The following ARAP2 variants were observed in gnomAD, a reference collection of about 807,000 sequenced individuals.
ARAP2 encodes ArfGAP with RhoGAP domain, ankyrin repeat and PH domain 2.
A neutral mutation model predicts 194.5 loss-of-function variants in ARAP2; 148 were observed. That is an observed-to-expected ratio of 0.76 (90% CI 0.67 to 0.87). The LOEUF (loss-of-function observed/expected upper bound fraction) is 0.87, where lower values mean the gene tolerates loss of function less well. Among genes scored for constraint, ARAP2 ranks in the 40% least tolerant of loss-of-function variants. The probability of loss-of-function intolerance (pLI) is 0.00; values close to 1 mark genes in which losing one functional copy is unlikely to be tolerated. For synonymous variants in ARAP2, 695 were observed against 683.5 expected, an observed-to-expected ratio of 1.02 and a Z score of -0.26; for missense variants, 2,128 against 1,989.7, an observed-to-expected ratio of 1.07 and a Z score of -1.32.
At chr4:36,073,008 C>T (rs1195259621) in intron 32 of ARAP2, among the ~76,000 whole-genome samples, 1 of 152,138 alleles carries the variant, frequency 6.6e-6, no homozygotes, top group Admixed American at 6.6e-5. Flanking sequence ...AGAACACCTT[C>T]TAACTGCTTT....
chr4:36,239,183 T>A (rs1753026873), intron 1 of ARAP2, among the ~76,000 whole-genome samples: 1 of 151,528 alleles, frequency 6.6e-6, no homozygotes, highest in African/African-American at 2.4e-5. Context: ...GGTTGAGACA[T>A]GAGAATCGCT....
rs774352506 is a variant in ARAP2 at position 36,229,266 on chromosome 4, A to G, written c.221T>C (p.Ile74Thr). The G allele has an allele frequency of 6.2e-7, 1 of 1,613,886 alleles. No homozygotes were observed. The highest frequency in any genetic ancestry group is 8.5e-7 in the Non-Finnish European group (1 of 1,179,924). The stretch of plus-strand genomic sequence containing the variant: ...TTTATGAACATTTGCATATATTGGA[A>G]TATCTTGCATTTTTGACAAGATTAT... ...LQIILSKMQDIPIYANVHKTK... is the reference protein window; with the variant it reads ...LQIILSKMQDTPIYANVHKTK... Residue 74 changes from isoleucine to threonine, a missense_variant, in exon 2 of 33, where the codon ATT (isoleucine) becomes ACT (threonine). Coordinates refer to ENST00000303965, the MANE Select transcript of ARAP2 (RefSeq NM_015230.4).
At chr4:36,110,461 A>AG (rs1719655135) in intron 26 of ARAP2, among the ~76,000 whole-genome samples, 1 of 151,938 alleles carries the variant, frequency 6.6e-6, no homozygotes, top group African/African-American at 2.4e-5. Flanking sequence ...AAGCCTATTT[A>AG]AATGAGGCCC....
chr4:36,128,292 A>G (rs985973134), intron 21 of ARAP2, among the ~76,000 whole-genome samples: 2 of 151,992 alleles, frequency 1.3e-5, no homozygotes, highest in African/African-American at 4.8e-5. Flanking sequence ...AAAACTAAGT[A>G]TATACCAAAC....
At chr4:36,201,103 T>C (rs1393921023) in intron 6 of ARAP2, among the ~76,000 whole-genome samples, 1 of 152,244 alleles carries the variant, frequency 6.6e-6, no homozygotes, top group East Asian at 1.9e-4. Context: ...CATAGTCCTT[T>C]TTTCCAAGAA....
intron 9 of ARAP2, among the ~76,000 whole-genome samples, 176 bp downstream of exon 9, chr4:36,177,651 C>T (rs968581671): frequency 6.6e-6 from 1 of 152,062 alleles, no homozygotes; most frequent in African/African-American, 2.4e-5. Flanking sequence ...TACTTTCTTG[C>T]TGGTGGAGAC....
chr4:36,065,332 G>A, downstream of ARAP2: 1 of 506,096 alleles, frequency 2.0e-6, no homozygotes, highest in Non-Finnish European at 4.0e-6. Context: ...CCAAAGAGCT[G>A]GCTGTAGTGG....
intron 19 of ARAP2, among the ~76,000 whole-genome samples, chr4:36,145,266 G>T (rs1037734366): frequency 6.6e-6 from 1 of 151,886 alleles, no homozygotes; most frequent in African/African-American, 2.4e-5. Context: ...GAGTAAAGAC[G>T]TGGAATCAAC....
chr4:36,122,374 C>T (rs1332868983), intron 22 of ARAP2, among the ~76,000 whole-genome samples: 4 of 151,660 alleles, frequency 2.6e-5, no homozygotes, highest in African/African-American at 7.3e-5. Flanking sequence ...AACCTAAATG[C>T]CCATCAATGA....
intron 25 of ARAP2, among the ~76,000 whole-genome samples, chr4:36,115,856 T>C (rs371518154): frequency 6.6e-6 from 1 of 152,042 alleles, no homozygotes; most frequent in African/African-American, 2.4e-5. Flanking sequence ...GGAGTTACTA[T>C]AGGTGAAACT....
At chr4:36,083,331 A>G in intron 29 of ARAP2, 37 bp downstream of exon 29, 1 of 1,432,564 alleles carries the variant, frequency 7.0e-7, no homozygotes, top group Non-Finnish European at 9.7e-7. Context: ...TTTTTCCCAT[A>G]AGTTTTTCCT....
At chr4:36,173,066 T>C (rs1737015862) in intron 9 of ARAP2, among the ~76,000 whole-genome samples, 1 of 152,168 alleles carries the variant, frequency 6.6e-6, no homozygotes, top group African/African-American at 2.4e-5. Flanking sequence ...CAAGTGAGTT[T>C]ATGTAGTTTA....
intron 8 of ARAP2, among the ~76,000 whole-genome samples, chr4:36,184,092 C>T (rs1739930921): frequency 6.6e-6 from 1 of 152,094 alleles, no homozygotes; most frequent in African/African-American, 2.4e-5. Flanking sequence ...GTTGATCTAC[C>T]AGTTCCCACA....
intron 1 of ARAP2, among the ~76,000 whole-genome samples, chr4:36,240,826 T>TA (rs1242132747): frequency 1.3e-5 from 2 of 152,028 alleles, no homozygotes; most frequent in East Asian, 3.8e-4. Context: ...AAAAACACAA[T>TA]AAAAAAACCT....
chr4:36,140,312 G>A (rs1034202744), intron 19 of ARAP2, among the ~76,000 whole-genome samples: 2 of 151,584 alleles, frequency 1.3e-5, no homozygotes, highest in African/African-American at 4.8e-5. Flanking sequence ...AATAATACAC[G>A]TTTTAAAATC....
In ARAP2 at chr4:36,228,886, A is replaced by G. The variant is rs762078333; in HGVS notation, c.601T>C (p.Leu201=). 4 of 1,613,924 alleles carry G rather than the reference A, an allele frequency of 2.5e-6. No homozygotes were observed. The highest frequency in any genetic ancestry group is 1.7e-5 in the Admixed American group (1 of 59,970). The change falls in exon 2 of 33, where the codon TTG becomes CTG. Residue 201 remains leucine (L), a synonymous_variant. Transcript: ENST00000303965. ...VEEQQTEKVK[L]ITENLSKLPN... is the part of the protein sequence containing the mutation. The stretch of plus-strand genomic sequence containing the variant: ...AGCTTACTGAGATTTTCTGTGATCA[A>G]TTTAACTTTTTCTGTTTGTTGTTCT...
At chr4:36,215,409 C>T (rs900280293) in intron 2 of ARAP2, among the ~76,000 whole-genome samples, 1 of 152,194 alleles carries the variant, frequency 6.6e-6, no homozygotes, top group Admixed American at 6.5e-5. Context: ...TGAATGTCAA[C>T]TTTTGCTTCA....
intron 3 of ARAP2, among the ~76,000 whole-genome samples, chr4:36,049,156 T>C (rs1440424008): frequency 6.6e-6 from 1 of 151,974 alleles, no homozygotes; most frequent in East Asian, 1.9e-4. Context: ...AAAAAAAAAG[T>C]CTTTGAGATT....
chr4:36,083,542 A>T, intron 28 of ARAP2, 92 bp from the exon 29 acceptor site: 1 of 880,886 alleles, frequency 1.1e-6, no homozygotes, highest in Non-Finnish European at 1.7e-6. Context: ...AGAATTGTTT[A>T]GTTTCTCAGT....
Sources: gnomAD v4.1 joint callset for allele counts (sites outside exome capture counted in the v4.1 genomes callset) on GRCh38, gnomAD v4.1.1 for gene constraint, MANE v1.5 for transcripts, NCBI Gene and HGNC (gene_info 2026-07-23, HGNC 2026-07-21) for gene names.